Variants in NPIPB11 observed in about 807,000 individuals in gnomAD.
The protein encoded by NPIPB11 is nuclear pore complex-interacting protein family member B11.
In NPIPB11, 17 loss-of-function variants were observed where a neutral mutation model predicts 32.8. The observed-to-expected ratio is 0.52, with a 90% CI of 0.35 to 0.78. NPIPB11 has a LOEUF of 0.78. Ranked by LOEUF, NPIPB11 falls within the 30% of genes least tolerant of loss-of-function variation. The pLI is 0.01. For missense variants in NPIPB11, 537 were observed against 1,000.4 expected (o/e 0.54, Z 6.25); for synonymous variants, 209 against 398.4 (o/e 0.52, Z 5.66).
upstream of NPIPB11, among the ~76,000 whole-genome samples, chr16:29,406,309 A>G (rs1490079415): frequency 2.0e-5 from 3 of 152,284 alleles, no homozygotes; most frequent in Non-Finnish European, 4.4e-5. Context: ...AGTTATATTT[A>G]TGGGTATGTT....
At chr16:29,390,653 T>TACACAAAC (rs1555473820) in intron 3 of NPIPB11, among the ~76,000 whole-genome samples, 1 of 146,796 alleles carries the variant, frequency 6.8e-6, no homozygotes, top group Non-Finnish European at 1.5e-5. Flanking sequence ...CTCTGTCACA[T>TACACAAAC]ACACACACAC....
chr16:29,397,696 T>C (rs568315610), intron 2 of NPIPB11: 2 of 767,792 alleles, frequency 2.6e-6, no homozygotes, highest in South Asian at 1.5e-5. Flanking sequence ...TGGAGGTGGC[T>C]TAGGGCAGGG....
chr16:29,390,127 G>A (rs1963679004), exon 5 of NPIPB11: 2 of 758,326 alleles, frequency 2.6e-6, no homozygotes, highest in Non-Finnish European at 2.2e-6. Flanking sequence ...CATACAAATG[G>A]ACCTCAGCCC....
At chr16:29,402,718 C>CTGTGTG (rs1207937203) in intron 2 of NPIPB11, among the ~76,000 whole-genome samples, 16 of 124,976 alleles carry the variant, frequency 1.3e-4, no homozygotes, top group African/African-American at 4.8e-4. Flanking sequence ...CTCTCTCTCT[C>CTGTGTG]TCTCTCTGTG....
chr16:29,389,580 A>G (rs1963659006), intron 5 of NPIPB11, among the ~76,000 whole-genome samples: 2 of 143,196 alleles, frequency 1.4e-5, no homozygotes, highest in African/African-American at 5.2e-5. Flanking sequence ...AGGCTGAGGC[A>G]GGAGAATTGC....
chr16:29,394,322 A>G (rs1171043107), intron 2 of NPIPB11, among the ~76,000 whole-genome samples: 2 of 151,914 alleles, frequency 1.3e-5, no homozygotes, highest in African/African-American at 4.8e-5. Flanking sequence ...AAGCAGGGAT[A>G]TCCAATCTTT....
intron 2 of NPIPB11, among the ~76,000 whole-genome samples, chr16:29,398,626 T>C (rs1294879011): frequency 1.3e-5 from 2 of 152,110 alleles, no homozygotes; most frequent in African/African-American, 2.4e-5. Context: ...AGCATGTTTC[T>C]GATCATGTAA....
At chr16:29,390,861 G>A (rs1171907876) in intron 3 of NPIPB11, among the ~76,000 whole-genome samples, 1 of 151,174 alleles carries the variant, frequency 6.6e-6, no homozygotes, top group African/African-American at 2.4e-5. Flanking sequence ...TAGTCGGGAG[G>A]TTGAGGCAGG....
At chr16:29,383,049 A>T (rs956845041) in exon 8 of NPIPB11, 2 of 1,608,532 alleles carry the variant, frequency 1.2e-6, no homozygotes, top group Non-Finnish European at 1.7e-6. Context: ...GAACCCGCAG[A>T]TGCTCAGCAG....
chr16:29,387,418 AC>A (rs2142121002), intron 5 of NPIPB11, among the ~76,000 whole-genome samples: 1 of 148,892 alleles, frequency 6.7e-6, no homozygotes, highest in South Asian at 2.1e-4. Context: ...CCTGTGTGAG[AC>A]CTGATTCTCA....
chr16:29,398,801 G>C (rs951219738), intron 2 of NPIPB11, among the ~76,000 whole-genome samples: 2 of 151,662 alleles, frequency 1.3e-5, no homozygotes, highest in Non-Finnish European at 2.9e-5. Flanking sequence ...GTCTCCCTCT[G>C]GCCTGGGAAT....
At chr16:29,401,590 C>A (rs956036067) in intron 2 of NPIPB11, among the ~76,000 whole-genome samples, 1 of 152,154 alleles carries the variant, frequency 6.6e-6, no homozygotes, top group Non-Finnish European at 1.5e-5. Flanking sequence ...TGTAGGCTGA[C>A]ACCATATGAC....
chr16:29,393,407 GC>G (rs1246874136), intron 3 of NPIPB11, among the ~76,000 whole-genome samples: 2 of 151,770 alleles, frequency 1.3e-5, no homozygotes, highest in Non-Finnish European at 2.9e-5. Context: ...CCTCTAAATG[GC>G]CTACATCTCC....
intron 2 of NPIPB11, among the ~76,000 whole-genome samples, chr16:29,401,250 A>G (rs1340587524): frequency 6.6e-6 from 1 of 152,116 alleles, no homozygotes; most frequent in South Asian, 2.1e-4. Context: ...AACTTAAAGG[A>G]ACTAAAATGT....
At position 29,389,348 on chromosome 16, in the gene NPIPB11, C is replaced by T. The variant is rs1432341156; in HGVS notation, c.545+593G>A. Among the ~76,000 whole-genome samples, 22 of 124,796 alleles carry T rather than the reference C, an allele frequency of 1.8e-4. No homozygotes were observed. In the East Asian group the frequency reaches 2.7e-3, roughly 15 times the overall value. The allele number at this position is 124,796 out of a possible 152,430, so 81.9% of individuals were successfully genotyped here. ...TAGCACTCCAGCCTGGGCGACAGAG[C>T]GTGACTCTATCTCAAAATTAAAAAA... On this transcript the variant is annotated intron_variant, in intron 5 of 7. Transcript: ENST00000524087.
At chr16:29,391,366 AGGTT>A (rs1233548005) in intron 3 of NPIPB11, among the ~76,000 whole-genome samples, 41 of 148,658 alleles carry the variant, frequency 2.8e-4, no homozygotes, top group African/African-American at 9.8e-4. Flanking sequence ...ATTTTACCAC[AGGTT>A]AACATGTTTC....
rs1240125222 is a variant in NPIPB11 at position 29,399,283 on chromosome 16, A to G, written c.120+4400T>C. Among the ~76,000 whole-genome samples, 9 of 151,716 alleles carry G rather than the reference A, an allele frequency of 5.9e-5. 1 individual carries two copies. The highest frequency in any genetic ancestry group is 2.2e-4 in the African/African-American group (9 of 41,256). ...TGGCAGCTGAAAACCACTGCTTTAA[A>G]TCCCTTTACCATTTACTATGACATA... On this transcript the variant is annotated intron_variant, in intron 2 of 7. Coordinates refer to ENST00000524087, the Ensembl canonical transcript of NPIPB11.
rs527532778 is a variant in NPIPB11 at position 29,397,635 on chromosome 16, C to A, written c.121-3559G>T. 4.8e-4 allele frequency: 699 copies of A among 1,444,286 alleles called. 4 individuals are homozygous for A. The highest frequency in any genetic ancestry group is 1.3e-3 in the African/African-American group (90 of 69,594). The allele number at this position is 1,444,286 out of a possible 1,614,324, so 89.5% of individuals were successfully genotyped here. On this transcript the variant is annotated intron_variant, in intron 2 of 7. Coordinates refer to ENST00000524087, the Ensembl canonical transcript of NPIPB11. ...GAGGAGCCAAAAGAGCATCCACCGCCCCCGCATGTCCTGGTCCTTTCAGGG... is the reference window on the plus strand; with the variant it reads ...GAGGAGCCAAAAGAGCATCCACCGCACCCGCATGTCCTGGTCCTTTCAGGG...
In NPIPB11 at chr16:29,391,198, C is replaced by T. The variant is rs1353800224; in HGVS notation, c.250-850G>A. On this transcript the variant is annotated intron_variant, in intron 3 of 7. Transcript: ENST00000524087. ...AGGAGAACTGCTTGAACCCAGGAGGCAGAGGTTGCAGTGAGCCAAGATCCC... is the reference window on the plus strand; with the variant it reads ...AGGAGAACTGCTTGAACCCAGGAGGTAGAGGTTGCAGTGAGCCAAGATCCC... Among the ~76,000 whole-genome samples, 18 of 127,646 alleles carry T rather than the reference C, an allele frequency of 1.4e-4. No individual in the cohort carries two copies. The East Asian group carries it at 3.8e-3, about 27-fold the overall frequency. 83.7% of individuals were successfully genotyped at this position (127,646 alleles called of 152,430 possible).
Sources: gnomAD v4.1 joint callset for allele counts (sites outside exome capture counted in the v4.1 genomes callset) on GRCh38, gnomAD v4.1.1 for gene constraint, MANE v1.5 for transcripts, NCBI Gene and HGNC (gene_info 2026-07-23, HGNC 2026-07-21) for gene names.